NFATC2: variants seen among roughly 807,000 people sequenced by gnomAD.
NFATC2 encodes the protein nuclear factor of activated T-cells, cytoplasmic 2.
Under a neutral mutation model 87.3 loss-of-function variants are expected in NFATC2, and 22 were observed. The observed-to-expected ratio is 0.25, with a 90% CI of 0.18 to 0.36. The LOEUF is 0.36. Ranked by LOEUF, NFATC2 falls within the 10% of genes least tolerant of loss-of-function variation. The pLI, the probability that NFATC2 is intolerant of heterozygous loss-of-function variation, is 1.00. For synonymous variants in NFATC2, 565 were observed against 542.2 expected (o/e 1.04, Z -0.58); for missense variants, 1,149 against 1,259.1 (o/e 0.91, Z 1.32).
Position 51,542,469 on chromosome 20 carries a change from C to T in NFATC2, c.31G>A (p.Asp11Asn). The change falls in exon 1 of 11, where the codon GAC (aspartate) becomes AAC (asparagine). Residue 11 changes from aspartate to asparagine, a missense_variant. Coordinates refer to ENST00000371564, the MANE Select transcript of NFATC2 (RefSeq NM_012340.5). MNAPERQPQP[D>N]GGDAPGHEPG... ...TCGTGGCCTGGGGCGTCCCCGCCGT[C>T]GGGTTGGGGCTGCCGCTCGGGGGCG... 2 of 1,563,164 alleles carry T rather than the reference C, an allele frequency of 1.3e-6. No homozygotes were observed. The highest frequency in any genetic ancestry group is 1.7e-6 in the Non-Finnish European group (2 of 1,159,914).
At chr20:51,494,073 C>T (rs142464597) in intron 3 of NFATC2, among the ~76,000 whole-genome samples, 137 of 152,164 alleles carry the variant, frequency 9.0e-4, no homozygotes, top group African/African-American at 3.2e-3. Flanking sequence ...TTACCATCAT[C>T]GCCACCATCG....
At chr20:51,439,320 G>A (rs1351599988) in intron 6 of NFATC2, among the ~76,000 whole-genome samples, 2 of 152,176 alleles carry the variant, frequency 1.3e-5, no homozygotes, top group Non-Finnish European at 2.9e-5. Context: ...CATCCTACAG[G>A]GGAGGACACC....
intron 9 of NFATC2, among the ~76,000 whole-genome samples, chr20:51,408,200 C>A (rs2426302): frequency 0.75 from 113,644 of 152,014 alleles, 43,051 homozygotes; most frequent in Non-Finnish European, 0.81. Context: ...CTTTTAGCAG[C>A]CTTTGAAAAA....
At chr20:51,511,173 C>T (rs1359229670) in intron 3 of NFATC2, among the ~76,000 whole-genome samples, 1 of 152,228 alleles carries the variant, frequency 6.6e-6, no homozygotes, top group African/African-American at 2.4e-5. Flanking sequence ...ACTCACATGC[C>T]GCTCTGCCCT....
chr20:51,435,322 G>C lies in NFATC2; in HGVS notation c.1906-8C>G. 6.2e-7 allele frequency: 1 copy of C among 1,614,096 alleles called. No individual in the cohort carries two copies. Among genetic ancestry groups the C allele is most frequent in the Non-Finnish European group, 8.5e-7 (1 of 1,180,008 alleles). On this transcript the variant is annotated splice_region_variant and splice_polypyrimidine_tract_variant and intron_variant, in intron 7 of 10. Transcript: ENST00000371564. The stretch of plus-strand genomic sequence containing the variant: ...CTCAACAAAAAGCATGTTCTATAAG[G>C]AAGGAGTTGTCATGAACTTAACTGC...
chr20:51,405,124 C>T (rs907209534), intron 9 of NFATC2, among the ~76,000 whole-genome samples: 11 of 152,158 alleles, frequency 7.2e-5, no homozygotes, highest in African/African-American at 2.7e-4. Flanking sequence ...CCACCTGCTT[C>T]GAGTTGAGCT....
chr20:51,481,234 G>A (rs1473892753), intron 3 of NFATC2, among the ~76,000 whole-genome samples: 1 of 152,202 alleles, frequency 6.6e-6, no homozygotes, highest in Admixed American at 6.5e-5. Context: ...AGTGATTTGG[G>A]TTTTGCAAAT....
intron 9 of NFATC2, among the ~76,000 whole-genome samples, chr20:51,415,028 T>C (rs1458571765): frequency 2.6e-5 from 4 of 151,960 alleles, no homozygotes; most frequent in Non-Finnish European, 4.4e-5. Context: ...AGTTGGTGGA[T>C]TCCTTGAGCT....
intron 2 of NFATC2, 144 bp downstream of exon 2, chr20:51,522,937 T>A (rs767271663): frequency 1.8e-6 from 2 of 1,135,208 alleles, no homozygotes; most frequent in Non-Finnish European, 2.5e-6. Context: ...CGTCTCAGGG[T>A]CTCGCAACCA....
At chr20:51,508,988 T>G (rs2146662653) in intron 3 of NFATC2, among the ~76,000 whole-genome samples, 1 of 152,150 alleles carries the variant, frequency 6.6e-6, no homozygotes, top group Non-Finnish European at 1.5e-5. Flanking sequence ...GTCCAAGTCC[T>G]CTAACTAAAC....
At chr20:51,491,871 TACACATACACAC>T (rs60092666) in intron 3 of NFATC2, among the ~76,000 whole-genome samples, 18,479 of 86,156 alleles carry the variant, frequency 0.21, 1,944 homozygotes, top group Middle Eastern at 0.31. Flanking sequence ...AACACACACA[TACACATACACAC>T]ACACACACAC....
chr20:51,539,123 T>C (rs1463466149), intron 1 of NFATC2, among the ~76,000 whole-genome samples: 1 of 152,218 alleles, frequency 6.6e-6, no homozygotes, highest in Non-Finnish European at 1.5e-5. Context: ...CATGGGCTAA[T>C]GAACGTCTGC....
chr20:51,485,643 C>A (rs1474648596), intron 3 of NFATC2, among the ~76,000 whole-genome samples: 1 of 152,010 alleles, frequency 6.6e-6, no homozygotes. Context: ...TGGAGTCCAA[C>A]CATCTAGGTT....
chr20:51,457,024 G>A lies in NFATC2; in HGVS notation c.1709-2336C>T, dbSNP rs182137198. Among the ~76,000 whole-genome samples the A allele has an allele frequency of 3.3e-5, 5 of 152,330 alleles. No individual in the cohort carries two copies. The East Asian group carries it at 9.7e-4, about 29-fold the overall frequency. On this transcript the variant is annotated intron_variant, in intron 5 of 10. Coordinates refer to ENST00000371564, the MANE Select transcript of NFATC2 (RefSeq NM_012340.5). ...ACCCTCTGTTCCCAGAGACCCGCCT[G>A]CCAGCGCTGCCCCAGGGGCTGCCGG...
intron 5 of NFATC2, among the ~76,000 whole-genome samples, chr20:51,466,042 C>G (rs747632581): frequency 2.6e-5 from 4 of 152,082 alleles, no homozygotes; most frequent in African/African-American, 4.8e-5. Context: ...ACATGCCATT[C>G]AGGCCTCCCT....
At position 51,506,957 on chromosome 20, in the gene NFATC2, T is replaced by C. The variant is rs190235006; in HGVS notation, c.1332+9827A>G. On this transcript the variant is annotated intron_variant, in intron 3 of 10. Transcript: ENST00000371564. ...CCCTAGGTCCAGGACTCAGGTCACATGGCCAGCCAGGCACTGCGCTGAGCT... is the reference window on the plus strand; with the variant it reads ...CCCTAGGTCCAGGACTCAGGTCACACGGCCAGCCAGGCACTGCGCTGAGCT... 2.2e-3 allele frequency among the ~76,000 whole-genome samples: 339 copies of C among 152,324 alleles called. 11 individuals are homozygous for C. The highest frequency in any genetic ancestry group is 0.017 in the Admixed American group (257 of 15,294).
intron 6 of NFATC2, among the ~76,000 whole-genome samples, chr20:51,441,844 A>G (rs1211604350): frequency 2.0e-5 from 3 of 152,288 alleles, no homozygotes; most frequent in South Asian, 2.1e-4. Context: ...TGCTGTCATT[A>G]CTATGATTTT....
intron 6 of NFATC2, chr20:51,452,999 A>C (rs1371925563): frequency 6.5e-6 from 1 of 154,762 alleles, no homozygotes; most frequent in Non-Finnish European, 1.5e-5. Context: ...GCCTCTCTAC[A>C]CCACTACGTC....
chr20:51,396,088 A>ATG (rs1987086953), intron 10 of NFATC2, among the ~76,000 whole-genome samples: 1 of 100,096 alleles, frequency 1.0e-5, no homozygotes, highest in Non-Finnish European at 2.0e-5. Context: ...ATATATATAT[A>ATG]TATATAAGCT....
Sources: gnomAD v4.1 joint callset for allele counts (sites outside exome capture counted in the v4.1 genomes callset) on GRCh38, gnomAD v4.1.1 for gene constraint, MANE v1.5 for transcripts, NCBI Gene and HGNC (gene_info 2026-07-23, HGNC 2026-07-21) for gene names.